The following WARS1 variants were observed in gnomAD, a reference collection of about 807,000 sequenced individuals.
The protein encoded by WARS1 is tryptophanyl-tRNA synthetase 1, also known as tryptophan--tRNA ligase, cytoplasmic.
WARS1 carries 17 observed loss-of-function variants against 47.8 expected under a neutral mutation model. The observed-to-expected ratio is 0.36, with a 90% CI of 0.24 to 0.53. The LOEUF (loss-of-function observed/expected upper bound fraction) is 0.53. Ranked by LOEUF, WARS1 falls within the 20% of genes least tolerant of loss-of-function variation. The pLI, the probability that WARS1 is intolerant of heterozygous loss-of-function variation, is 0.91. For synonymous variants in WARS1, 208 were observed against 228.1 expected (o/e 0.91, Z 0.79); for missense variants, 434 against 608.0 (o/e 0.71, Z 3.01).
rs113200123 is a variant in WARS1 at position 100,357,379 on chromosome 14, G to A, written c.423-2813C>T. Among the ~76,000 whole-genome samples the A allele has an allele frequency of 1.5e-3, 225 of 151,696 alleles. 2 individuals carry two copies. Among genetic ancestry groups the A allele is most frequent in the African/African-American group, 5.1e-3 (210 of 41,402 alleles). ...AATCCTATATGTAGGAAATCCTATC[G>A]AATCTGCAAAAAGAAAAAAAGCATT... On this transcript the variant is annotated intron_variant, in intron 4 of 10. Coordinates refer to ENST00000392882, the MANE Select transcript of WARS1 (RefSeq NM_004184.4).
chr14:100,366,751 G>C, intron 2 of WARS1: 1 of 908,756 alleles, frequency 1.1e-6, no homozygotes, highest in Non-Finnish European at 1.9e-6. Flanking sequence ...AAGGGCTAAG[G>C]GATCCGTGGG....
At chr14:100,339,783 A>G (rs2139901061) in intron 9 of WARS1, 1 of 152,292 alleles carries the variant, frequency 6.6e-6, no homozygotes, top group African/African-American at 2.4e-5. Context: ...AGTGTCAGGA[A>G]GAAAGTCTGA....
chr14:100,344,453 C>T (rs1894393740), intron 7 of WARS1, among the ~76,000 whole-genome samples: 1 of 152,202 alleles, frequency 6.6e-6, no homozygotes, highest in Non-Finnish European at 1.5e-5. Context: ...CTCCCAGCCG[C>T]CTGCCTTGGC....
At chr14:100,354,617 A>G in intron 4 of WARS1, 51 bp from the exon 5 acceptor site, 1 of 1,567,610 alleles carries the variant, frequency 6.4e-7, no homozygotes, top group Non-Finnish European at 8.6e-7. Context: ...GAAAAATATC[A>G]AGGCACTAAT....
intron 10 of WARS1, among the ~76,000 whole-genome samples, chr14:100,336,495 G>C (rs560630115): frequency 1.3e-5 from 2 of 152,294 alleles, no homozygotes; most frequent in South Asian, 4.1e-4. Flanking sequence ...GTTGTACTGA[G>C]TCTGTGTTGA....
chr14:100,346,893 C>A (rs745920657), intron 6 of WARS1, 47 bp from the exon 7 acceptor site: 1 of 1,526,246 alleles, frequency 6.6e-7, no homozygotes, highest in Non-Finnish European at 9.1e-7. Flanking sequence ...GCGGCCTTCA[C>A]TGAAGGCAAA....
At chr14:100,351,719 C>A (rs7141631) in intron 6 of WARS1, among the ~76,000 whole-genome samples, 2,201 of 152,140 alleles carry the variant, frequency 0.014, 50 homozygotes, top group African/African-American at 0.049. Context: ...AGGTGCTGGG[C>A]GTGGTGGCTC....
intron 9 of WARS1, among the ~76,000 whole-genome samples, chr14:100,339,512 A>T (rs375273566): frequency 8.1e-4 from 118 of 144,794 alleles, no homozygotes; most frequent in African/African-American, 2.9e-3. Flanking sequence ...AATGGCGTGA[A>T]CCTGGGAGGC....
intron 4 of WARS1, 86 bp downstream of exon 4, chr14:100,360,468 G>C (rs1297122121): frequency 9.8e-7 from 1 of 1,019,316 alleles, no homozygotes; most frequent in Non-Finnish European, 1.5e-6. Flanking sequence ...CACAGTACCA[G>C]GTGGCTTATG....
At chr14:100,365,406 C>A (rs1895908519) in intron 2 of WARS1, 1 of 214,042 alleles carries the variant, frequency 4.7e-6, no homozygotes, top group Non-Finnish European at 9.8e-6. Flanking sequence ...ATGGCAAGAC[C>A]CCCTCTCTAC....
At chr14:100,344,985 T>C (rs1257762519) in intron 7 of WARS1, among the ~76,000 whole-genome samples, 11 of 146,552 alleles carry the variant, frequency 7.5e-5, no homozygotes, top group Non-Finnish European at 1.6e-4. Flanking sequence ...AGCCGCCCCG[T>C]CCGGGAGGGA....
intron 4 of WARS1, among the ~76,000 whole-genome samples, chr14:100,357,220 A>G (rs1895375772): frequency 6.6e-6 from 1 of 152,230 alleles, no homozygotes; most frequent in Non-Finnish European, 1.5e-5. Context: ...AAGATCAGGA[A>G]TAAGACAAGG....
intron 1 of WARS1, among the ~76,000 whole-genome samples, chr14:100,372,270 G>A (rs1189574455): frequency 1.3e-5 from 2 of 151,902 alleles, no homozygotes; most frequent in African/African-American, 2.4e-5. Flanking sequence ...CGAGTGACAC[G>A]AGTGAAAGGT....
chr14:100,369,293 A>C, intron 1 of WARS1, 35 bp from the exon 2 acceptor site: 2 of 748,488 alleles, frequency 2.7e-6, no homozygotes, highest in Non-Finnish European at 3.8e-6. Flanking sequence ...GAGAGGAAAA[A>C]CCAGAGGTTA....
chr14:100,342,332 G>A, intron 9 of WARS1, 66 bp downstream of exon 9: 1 of 1,596,506 alleles, frequency 6.3e-7, no homozygotes, highest in Non-Finnish European at 8.6e-7. Flanking sequence ...TGGTGTGTGT[G>A]TGCGTGTGCC....
chr14:100,374,488 A>G (rs958944018), intron 1 of WARS1, among the ~76,000 whole-genome samples: 2 of 152,230 alleles, frequency 1.3e-5, no homozygotes, highest in African/African-American at 4.8e-5. Flanking sequence ...GTGGAGGAGC[A>G]TAATAGGCAC....
chr14:100,337,932 T>C (rs1171582466), intron 9 of WARS1, among the ~76,000 whole-genome samples: 3 of 151,432 alleles, frequency 2.0e-5, no homozygotes, highest in African/African-American at 7.3e-5. Flanking sequence ...GTAAGGGAGA[T>C]GGCAGGAAGG....
intron 1 of WARS1, among the ~76,000 whole-genome samples, chr14:100,372,545 TAGAG>T (rs2140102036): frequency 1.3e-5 from 2 of 152,258 alleles, no homozygotes; most frequent in East Asian, 3.9e-4. Context: ...TGCCTAGGGC[TAGAG>T]AGAACTCTCA....
Position 100,360,612 on chromosome 14 carries a change from T to G in WARS1, c.364A>C (p.Arg122=). The change falls in exon 4 of 11, where the codon AGA becomes CGA. Residue 122 remains arginine (R), a synonymous_variant. Transcript: ENST00000392882. ...TGGTGTGGTCTTTGGCCGGTGGCTCTCTCTATTCGGTTTATTAGCTCTTTG... is the reference window on the plus strand; with the variant it reads ...TGGTGTGGTCTTTGGCCGGTGGCTCGCTCTATTCGGTTTATTAGCTCTTTG... The part of the protein sequence containing the change: ...IDKELINRIE[R]ATGQRPHHFL... The G allele has an allele frequency of 6.2e-7, 1 of 1,614,006 alleles. No homozygotes were observed. The highest frequency in any genetic ancestry group is 8.5e-7 in the Non-Finnish European group (1 of 1,179,896).
Sources: allele counts gnomAD v4.1 joint callset (sites outside exome capture counted in the v4.1 genomes callset), GRCh38; gene constraint gnomAD v4.1.1; transcripts MANE v1.5; gene names NCBI Gene and HGNC (gene_info 2026-07-23, HGNC 2026-07-21).